ARHGAP18: variants seen among roughly 807,000 people sequenced by gnomAD.
ARHGAP18 encodes Rho GTPase activating protein 18, also known as rho GTPase-activating protein 18.
In ARHGAP18, 67 loss-of-function variants were observed where a neutral mutation model predicts 86.2. The ratio of observed to expected loss-of-function variants is 0.78; its 90% CI spans 0.64 to 0.95. The LOEUF (loss-of-function observed/expected upper bound fraction) is 0.95. Ranked by LOEUF, ARHGAP18 falls within the 40% of genes least tolerant of loss-of-function variation. The pLI, the probability that ARHGAP18 is intolerant of heterozygous loss-of-function variation, is 0.00. For missense variants in ARHGAP18, 691 were observed against 780.4 expected (o/e 0.89, Z 1.37); for synonymous variants, 283 against 280.4 (o/e 1.01, Z -0.09).
intron 3 of ARHGAP18, 147 bp from the exon 4 acceptor site, chr6:129,634,252 TAATC>T: frequency 1.6e-6 from 1 of 614,558 alleles, no homozygotes; most frequent in Non-Finnish European, 2.8e-6. Flanking sequence ...ACTAAGATAA[TAATC>T]AACAAGCAAT....
chr6:129,641,323 G>C (rs887615199), intron 2 of ARHGAP18, among the ~76,000 whole-genome samples: 1 of 152,194 alleles, frequency 6.6e-6, no homozygotes, highest in African/African-American at 2.4e-5. Context: ...GCCTTCTTCT[G>C]TTCGTCCCAA....
At chr6:129,697,991 T>C (rs1004599399) in intron 1 of ARHGAP18, among the ~76,000 whole-genome samples, 6 of 152,214 alleles carry the variant, frequency 3.9e-5, no homozygotes, top group African/African-American at 1.4e-4. Context: ...TAGCCTGAGT[T>C]GCTTTCAACT....
At chr6:129,708,648 C>T (rs554680001) in intron 1 of ARHGAP18, among the ~76,000 whole-genome samples, 287 of 152,332 alleles carry the variant, frequency 1.9e-3, no homozygotes, top group African/African-American at 6.6e-3. Flanking sequence ...GGTCCTCAGG[C>T]CATTCAGCCT....
At chr6:129,644,130 T>G (rs1192350056) in intron 1 of ARHGAP18, among the ~76,000 whole-genome samples, 1 of 152,208 alleles carries the variant, frequency 6.6e-6, no homozygotes, top group African/African-American at 2.4e-5. Flanking sequence ...CCAACAAGCC[T>G]AAGTCTAGAC....
intron 7 of ARHGAP18, among the ~76,000 whole-genome samples, chr6:129,613,232 CAAA>C (rs71028167): frequency 5.3e-5 from 5 of 94,184 alleles, no homozygotes; most frequent in Non-Finnish European, 8.2e-5. Flanking sequence ...GACTCTGTCT[CAAA>C]AAAAAAAAAA....
chr6:129,608,193 A>G, intron 8 of ARHGAP18, 141 bp from the exon 9 acceptor site: 1 of 1,033,642 alleles, frequency 9.7e-7, no homozygotes, highest in Non-Finnish European at 1.3e-6. Context: ...AAAAGTCAAT[A>G]TTTCTTTTAC....
At chr6:129,578,874 G>A (rs570250320) in intron 14 of ARHGAP18, among the ~76,000 whole-genome samples, 46 of 152,200 alleles carry the variant, frequency 3.0e-4, no homozygotes, top group African/African-American at 1.1e-3. Context: ...TGAGGTGGGA[G>A]GATGGCTTGA....
chr6:129,694,389 C>G (rs1470985771), intron 1 of ARHGAP18, among the ~76,000 whole-genome samples: 1 of 152,144 alleles, frequency 6.6e-6, no homozygotes, highest in Non-Finnish European at 1.5e-5. Context: ...GATAATACCA[C>G]CAGCCTGAAT....
intron 6 of ARHGAP18, among the ~76,000 whole-genome samples, chr6:129,616,658 C>G (rs1000188715): frequency 6.6e-6 from 1 of 152,098 alleles, no homozygotes; most frequent in Non-Finnish European, 1.5e-5. Context: ...TACTTAAAAG[C>G]AAATATTGGC....
chr6:129,666,183 A>C (rs939146277), intron 1 of ARHGAP18, among the ~76,000 whole-genome samples: 5 of 152,120 alleles, frequency 3.3e-5, no homozygotes, highest in Non-Finnish European at 7.4e-5. Context: ...GCAGATGATG[A>C]TGCTCACACC....
At chr6:129,682,625 GC>G (rs1183784379) in intron 1 of ARHGAP18, among the ~76,000 whole-genome samples, 1 of 152,150 alleles carries the variant, frequency 6.6e-6, no homozygotes, top group South Asian at 2.1e-4. Context: ...GAGACACAAA[GC>G]AACATTCTTA....
chr6:129,582,944 C>G (rs1028594144), intron 13 of ARHGAP18, among the ~76,000 whole-genome samples: 3 of 152,212 alleles, frequency 2.0e-5, no homozygotes, highest in African/African-American at 7.2e-5. Context: ...TCATCACCAT[C>G]TGTTAGCTGC....
In ARHGAP18 at chr6:129,625,424, A is replaced by G. The variant is rs1194743154; in HGVS notation, c.786+3929T>C. The stretch of plus-strand genomic sequence containing the variant: ...ATGTATTATATATTATATATAATAT[A>G]TATTATATATAATATATATTTTATA... On this transcript the variant is annotated intron_variant, in intron 5 of 14. Coordinates refer to ENST00000368149, the MANE Select transcript of ARHGAP18 (RefSeq NM_033515.3). Among the ~76,000 whole-genome samples the G allele has an allele frequency of 2.1e-4, 14 of 67,068 alleles. 3 individuals carry two copies. 44.0% of individuals were successfully genotyped at this position (67,068 alleles called of 152,430 possible). A position where few individuals can be genotyped will look rare whatever the true frequency, so the allele number is the denominator to read the frequency against.
At chr6:129,611,713 T>C (rs1487113389) in intron 7 of ARHGAP18, 103 bp from the exon 8 acceptor site, 5 of 916,270 alleles carry the variant, frequency 5.5e-6, no homozygotes, top group Non-Finnish European at 6.7e-6. Context: ...TACAATGACA[T>C]GTAAACTGGA....
intron 2 of ARHGAP18, 61 bp downstream of exon 2, chr6:129,641,755 T>C (rs1773468871): frequency 7.0e-7 from 1 of 1,424,646 alleles, no homozygotes; most frequent in Non-Finnish European, 9.7e-7. Context: ...TTCCTTTCTA[T>C]GCATTCATTT....
At chr6:129,625,091 T>TATATATTTATATATA (rs1333229087) in intron 5 of ARHGAP18, among the ~76,000 whole-genome samples, 4 of 101,474 alleles carry the variant, frequency 3.9e-5, no homozygotes, top group Non-Finnish European at 7.4e-5. Flanking sequence ...TGATATATGA[T>TATATATTTATATATA]ATATGATATA....
rs771213679 is a variant in ARHGAP18, at chr6:129,616,293, A to T, written c.963T>A (p.Leu321=). The T allele has an allele frequency of 5.0e-6, 8 of 1,608,958 alleles. No individual in the cohort carries two copies. Among genetic ancestry groups the T allele is most frequent in the Admixed American group, 1.7e-5 (1 of 59,714 alleles). ...AVKIKTKDSG[L]FCVPLTALLE... Reference sequence around the variant, plus strand: ...ATAGCGCTGTCAATGGAACGCAAAAAAGACCAGAATCTGCAAGAAAAAAAA... The same window carrying T: ...ATAGCGCTGTCAATGGAACGCAAAATAGACCAGAATCTGCAAGAAAAAAAA... The change falls in exon 7 of 15, where the codon CTT becomes CTA. Residue 321 remains leucine (L), a synonymous_variant. Coordinates refer to ENST00000368149, the MANE Select transcript of ARHGAP18 (RefSeq NM_033515.3).
intron 2 of ARHGAP18, among the ~76,000 whole-genome samples, chr6:129,638,852 C>T (rs368590037): frequency 5.9e-5 from 9 of 152,288 alleles, no homozygotes; most frequent in East Asian, 1.9e-4. Context: ...AATGACTTCA[C>T]ATGTAATTAA....
At chr6:129,664,003 G>A (rs912781531) in intron 1 of ARHGAP18, among the ~76,000 whole-genome samples, 4 of 152,220 alleles carry the variant, frequency 2.6e-5, no homozygotes, top group South Asian at 2.1e-4. Context: ...CAGCAGGTGT[G>A]GTGGGGCTGG....
Sources: gnomAD v4.1 joint callset for allele counts (sites outside exome capture counted in the v4.1 genomes callset) on GRCh38, gnomAD v4.1.1 for gene constraint, MANE v1.5 for transcripts, NCBI Gene and HGNC (gene_info 2026-07-23, HGNC 2026-07-21) for gene names.